The following PLD5 variants were observed in gnomAD, a reference collection of about 807,000 sequenced individuals.
The protein encoded by PLD5 is inactive phospholipase D5.
In PLD5, 36 loss-of-function variants were observed where a neutral mutation model predicts 61.1. The observed-to-expected ratio is 0.59, with a 90% confidence interval of 0.45 to 0.78. The LOEUF (loss-of-function observed/expected upper bound fraction) is 0.78, where lower values mean the gene tolerates loss of function less well. Among genes scored for constraint, PLD5 ranks in the 30% least tolerant of loss-of-function variants. PLD5 has a pLI of 0.00. For missense variants in PLD5, 515 were observed against 644.4 expected (o/e 0.80, Z 2.17); for synonymous variants, 243 against 242.8 (o/e 1.00, Z -0.01).
chr1:242,527,214 C>G (rs1260783146), upstream of PLD5, among the ~76,000 whole-genome samples: 1 of 146,716 alleles, frequency 6.8e-6, no homozygotes, highest in Admixed American at 6.9e-5. Context: ...CACTGCAATC[C>G]CCACCTCCCA....
chr1:242,476,980 T>C (rs1222760604), intron 1 of PLD5, among the ~76,000 whole-genome samples: 1 of 152,198 alleles, frequency 6.6e-6, no homozygotes, highest in East Asian at 1.9e-4. Context: ...CCAGACATGG[T>C]GGCTCACGCC....
intron 2 of PLD5, among the ~76,000 whole-genome samples, chr1:242,301,311 A>G (rs999873388): frequency 6.6e-6 from 1 of 152,214 alleles, no homozygotes; most frequent in Admixed American, 6.5e-5. Flanking sequence ...TTTGGCCTGC[A>G]TCTGCTACTC....
At chr1:242,119,420 G>T (rs1488881878) in intron 6 of PLD5, among the ~76,000 whole-genome samples, 1 of 152,108 alleles carries the variant, frequency 6.6e-6, no homozygotes, top group Non-Finnish European at 1.5e-5. Flanking sequence ...AACATAGTAA[G>T]ACCTTGTCTC....
At chr1:242,126,469 C>T (rs776823364) in intron 5 of PLD5, among the ~76,000 whole-genome samples, 7 of 152,152 alleles carry the variant, frequency 4.6e-5, no homozygotes, top group Non-Finnish European at 8.8e-5. Context: ...AGGCGCATAG[C>T]CCAATGGAAC....
rs560263006 is a variant in PLD5, at chr1:242,493,090, G to T, written c.189+30998C>A. Among the ~76,000 whole-genome samples, 63 of 152,216 alleles carry T rather than the reference G, an allele frequency of 4.1e-4. 1 individual carries two copies. The South Asian group carries it at 0.012, about 29-fold the overall frequency. On this transcript the variant is annotated intron_variant, in intron 1 of 9. Coordinates refer to ENST00000536534, the MANE Select transcript of PLD5 (RefSeq NM_001372062.1). Reference sequence around the variant, plus strand: ...ATTTCTGCTAAGGCTCACTAGAAAAGAAATATTTTAATTCTTACTCTAATA... The same window carrying T: ...ATTTCTGCTAAGGCTCACTAGAAAATAAATATTTTAATTCTTACTCTAATA...
At chr1:242,399,067 C>T (rs569844997) in intron 1 of PLD5, among the ~76,000 whole-genome samples, 1 of 152,264 alleles carries the variant, frequency 6.6e-6, no homozygotes, top group Non-Finnish European at 1.5e-5. Flanking sequence ...AGGCTCCTTC[C>T]AGTCTTAAGT....
chr1:242,099,867 C>A (rs1431677768), intron 9 of PLD5, among the ~76,000 whole-genome samples: 1 of 152,198 alleles, frequency 6.6e-6, no homozygotes, highest in African/African-American at 2.4e-5. Context: ...GTAATCACTA[C>A]ACTGCTGTTT....
At chr1:242,252,490 A>C (rs987447037) in intron 4 of PLD5, among the ~76,000 whole-genome samples, 1 of 152,148 alleles carries the variant, frequency 6.6e-6, no homozygotes, top group Non-Finnish European at 1.5e-5. Flanking sequence ...AGGTGGGAGG[A>C]TGGCTTGAGC....
chr1:242,255,388 A>G (rs1490402040), intron 4 of PLD5, among the ~76,000 whole-genome samples: 1 of 152,232 alleles, frequency 6.6e-6, no homozygotes. Flanking sequence ...AAAAGCCTCA[A>G]TAAGCTATCC....
chr1:242,379,126 G>A (rs546642260), intron 1 of PLD5, among the ~76,000 whole-genome samples: 1 of 152,146 alleles, frequency 6.6e-6, no homozygotes, highest in South Asian at 2.1e-4. Flanking sequence ...TATCTGTCCA[G>A]CAGTGGCAGA....
chr1:242,285,268 T>C (rs1271599585), intron 3 of PLD5, among the ~76,000 whole-genome samples: 1 of 152,132 alleles, frequency 6.6e-6, no homozygotes, highest in Non-Finnish European at 1.5e-5. Context: ...TGGGAGACCG[T>C]GGTGGGTGGA....
intron 4 of PLD5, among the ~76,000 whole-genome samples, chr1:242,263,223 T>C (rs1673472886): frequency 6.6e-6 from 1 of 151,922 alleles, no homozygotes. Flanking sequence ...TTTTTCACAA[T>C]ATATTTGATT....
At chr1:242,113,845 G>A (rs764817575) in intron 7 of PLD5, 45 bp downstream of exon 7, 1 of 1,575,478 alleles carries the variant, frequency 6.3e-7, no homozygotes, top group Non-Finnish European at 8.6e-7. Flanking sequence ...TTTAGTGCCT[G>A]GTCTTAGGGA....
chr1:242,514,350 G>A (rs1251532409), intron 1 of PLD5, among the ~76,000 whole-genome samples: 2 of 152,158 alleles, frequency 1.3e-5, no homozygotes, highest in African/African-American at 4.8e-5. Flanking sequence ...TTACCAGTAC[G>A]AACCATCACC....
intron 4 of PLD5, among the ~76,000 whole-genome samples, chr1:242,225,534 T>C (rs1301496168): frequency 6.6e-6 from 1 of 151,688 alleles, no homozygotes; most frequent in Non-Finnish European, 1.5e-5. Context: ...TTCTCTTTGC[T>C]GTTGAGTGAT....
chr1:242,370,768 C>CCT (rs1272083173), intron 1 of PLD5, among the ~76,000 whole-genome samples: 1 of 152,120 alleles, frequency 6.6e-6, no homozygotes, highest in African/African-American at 2.4e-5. Context: ...TCTCTATCCC[C>CCT]CTCCCCTATA....
intron 9 of PLD5, among the ~76,000 whole-genome samples, chr1:242,100,236 T>A (rs1326947275): frequency 6.6e-6 from 1 of 152,170 alleles, no homozygotes; most frequent in African/African-American, 2.4e-5. Flanking sequence ...AGGGATGGGA[T>A]AATTGGCTGG....
intron 5 of PLD5, among the ~76,000 whole-genome samples, chr1:242,193,443 G>A (rs894096075): frequency 6.6e-6 from 1 of 152,180 alleles, no homozygotes; most frequent in African/African-American, 2.4e-5. Context: ...ATAAAGTCCC[G>A]TGGAGGAGGG....
intron 5 of PLD5, among the ~76,000 whole-genome samples, chr1:242,218,290 C>T (rs1024321001): frequency 1.3e-5 from 2 of 152,176 alleles, no homozygotes; most frequent in African/African-American, 4.8e-5. Flanking sequence ...AAGGTATGCA[C>T]ATTTGTTTTT....
Sources: allele counts gnomAD v4.1 joint callset (sites outside exome capture counted in the v4.1 genomes callset), GRCh38; gene constraint gnomAD v4.1.1; transcripts MANE v1.5; gene names NCBI Gene and HGNC (gene_info 2026-07-23, HGNC 2026-07-21).